Variants in SLC15A1 observed in about 807,000 individuals in gnomAD.
The protein encoded by SLC15A1 is Caco-2 oligopeptide transporter.
SLC15A1 carries 83 observed loss-of-function variants against 92.9 expected under a neutral mutation model. The ratio of observed to expected loss-of-function variants is 0.89; its 90% CI spans 0.75 to 1.07. SLC15A1 has a LOEUF of 1.07. Among genes scored for constraint, SLC15A1 ranks in the 50% least tolerant of loss-of-function variants. The pLI is 0.00. For synonymous variants in SLC15A1, 322 were observed against 318.2 expected (o/e 1.01, Z -0.13); for missense variants, 857 against 880.1 (o/e 0.97, Z 0.33).
chr13:98,720,343 A>G (rs2088246976), intron 7 of SLC15A1, among the ~76,000 whole-genome samples: 1 of 152,258 alleles, frequency 6.6e-6, no homozygotes, highest in Non-Finnish European at 1.5e-5. Context: ...AACAGATTCT[A>G]TAATTTAAAC....
chr13:98,702,967 CAAAAAAAAAAA>C (rs535486738), intron 17 of SLC15A1, among the ~76,000 whole-genome samples: 11 of 77,688 alleles, frequency 1.4e-4, no homozygotes, highest in African/African-American at 3.9e-4. Context: ...GATCCTGTCT[CAAAAAAAAAAA>C]AAAAAAAAAA....
chr13:98,744,641 C>T (rs907875247), intron 1 of SLC15A1, among the ~76,000 whole-genome samples: 3 of 146,726 alleles, frequency 2.0e-5, no homozygotes, highest in African/African-American at 5.1e-5. Flanking sequence ...CCCAGCTACT[C>T]GGGAGGCTGA....
intron 1 of SLC15A1, among the ~76,000 whole-genome samples, chr13:98,747,467 A>G (rs1241445220): frequency 6.6e-6 from 1 of 152,152 alleles, no homozygotes; most frequent in Non-Finnish European, 1.5e-5. Context: ...TGGGGAATAG[A>G]GTAGCAGTCC....
rs746109431 is a variant in SLC15A1 at position 98,711,986 on chromosome 13, G to T, written c.811-43C>A. The stretch of plus-strand genomic sequence containing the variant: ...AAGGGACAAATCAGCCACACCCTGT[G>T]TCCTGTGCCACTCACGGCTTACAGG... On this transcript the variant is annotated intron_variant, in intron 10 of 22. Coordinates refer to ENST00000376503, the MANE Select transcript of SLC15A1 (RefSeq NM_005073.4). 32 of 1,428,662 alleles carry T rather than the reference G, an allele frequency of 2.2e-5. No individual in the cohort carries two copies. In the South Asian group the frequency reaches 3.1e-4, roughly 14 times the overall value. The allele number at this position is 1,428,662 out of a possible 1,614,324, so 88.5% of individuals were successfully genotyped here.
At chr13:98,715,316 A>G (rs1194291920) in intron 9 of SLC15A1, among the ~76,000 whole-genome samples, 1 of 152,180 alleles carries the variant, frequency 6.6e-6, no homozygotes, top group Non-Finnish European at 1.5e-5. Context: ...CTGGGATTAC[A>G]GGCACCCGCC....
rs563725921 is a variant in SLC15A1 at position 98,733,134 on chromosome 13, T to C, written c.5-6275A>G. 2.6e-5 allele frequency among the ~76,000 whole-genome samples: 4 copies of C among 152,146 alleles called. No homozygotes were observed. The South Asian group carries it at 8.3e-4, about 32-fold the overall frequency. The stretch of plus-strand genomic sequence containing the variant: ...GAGAAGCTGGAAAAGACAAGTAGGG[T>C]TCTCCCCGAGAGCCTTTCAAGGTAG... On this transcript the variant is annotated intron_variant, in intron 1 of 22. Coordinates refer to ENST00000376503, the MANE Select transcript of SLC15A1 (RefSeq NM_005073.4).
chr13:98,725,046 G>C (rs1378281083), intron 4 of SLC15A1, among the ~76,000 whole-genome samples: 1 of 152,042 alleles, frequency 6.6e-6, no homozygotes, highest in East Asian at 1.9e-4. Context: ...GTGAGTTCCT[G>C]CAAGAGCTAG....
In SLC15A1 at chr13:98,702,522, T is replaced by C. The variant is rs752550633; in HGVS notation, c.1424A>G (p.Asp475Gly). Residue 475 changes from aspartate (D) to glycine (G), a missense_variant, in exon 18 of 23, where the codon GAT becomes GGT. By Grantham distance (94) the Asp-to-Gly change is moderately conservative. Transcript: ENST00000376503. Reference protein sequence around the residue: ...WAPNHYQVVKDGLNQKPEKGE... With the variant: ...WAPNHYQVVKGGLNQKPEKGE... ...TTTTTCTGGCTTCTGGTTAAGACCA[T>C]CCTTTACCTGAGAGAGAAAACAGTA... The C allele has an allele frequency of 2.5e-6, 4 of 1,604,390 alleles. No individual in the cohort carries two copies. The East Asian group carries it at 6.7e-5, about 27-fold the overall frequency.
intron 18 of SLC15A1, among the ~76,000 whole-genome samples, chr13:98,691,562 A>G (rs369371360): frequency 1.3e-5 from 2 of 152,320 alleles, no homozygotes; most frequent in East Asian, 3.9e-4. Flanking sequence ...AGGTCTCACA[A>G]TACATGGCGT....
intron 1 of SLC15A1, among the ~76,000 whole-genome samples, chr13:98,747,002 C>T (rs1055223571): frequency 2.6e-5 from 4 of 152,172 alleles, no homozygotes; most frequent in Non-Finnish European, 5.9e-5. Flanking sequence ...ACCCCAAAAA[C>T]CAGAGGGGCC....
intron 1 of SLC15A1, among the ~76,000 whole-genome samples, chr13:98,731,030 G>A (rs1474494882): frequency 6.6e-6 from 1 of 152,216 alleles, no homozygotes; most frequent in Non-Finnish European, 1.5e-5. Context: ...GACAGTCACG[G>A]CTTCTCTGAC....
intron 1 of SLC15A1, among the ~76,000 whole-genome samples, chr13:98,731,865 G>A (rs1478523771): frequency 1.3e-5 from 2 of 152,188 alleles, no homozygotes; most frequent in Non-Finnish European, 2.9e-5. Context: ...TATGGGAAAG[G>A]CAATCCCTTG....
rs2087918239 is a variant in SLC15A1, at chr13:98,684,855, T to C, written c.1996A>G (p.Met666Val). Reference sequence around the variant, plus strand: ...TTGATGTAAGTATAGAACCGAGCCATGATGGCAAAAATTACACAGACGACC... The same window carrying C: ...TTGATGTAAGTATAGAACCGAGCCACGATGGCAAAAATTACACAGACGACC... ...LLVVCVIFAI[M>V]ARFYTYINPA... Residue 666 changes from methionine to valine, a missense_variant, in exon 23 of 23, where the codon ATG becomes GTG. Transcript: ENST00000376503. The C allele has an allele frequency of 4.3e-6, 7 of 1,614,128 alleles. No homozygotes were observed. Among genetic ancestry groups the C allele is most frequent in the Non-Finnish European group, 5.9e-6 (7 of 1,180,020 alleles).
At chr13:98,728,164 G>C (rs538964327) in intron 1 of SLC15A1, among the ~76,000 whole-genome samples, 9 of 152,316 alleles carry the variant, frequency 5.9e-5, no homozygotes, top group African/African-American at 2.2e-4. Context: ...TCAAAAATGA[G>C]TTGGCTATAA....
At chr13:98,751,551 CG>C (rs2088547024) in intron 1 of SLC15A1, among the ~76,000 whole-genome samples, 1 of 152,214 alleles carries the variant, frequency 6.6e-6, no homozygotes, top group Admixed American at 6.5e-5. Context: ...GAGCTGAGCT[CG>C]GCCACAGTCT....
At chr13:98,685,747 G>C (rs555797076) in intron 22 of SLC15A1, among the ~76,000 whole-genome samples, 10 of 152,234 alleles carry the variant, frequency 6.6e-5, no homozygotes, top group East Asian at 3.9e-4. Context: ...CAGCACTTTG[G>C]GGGGCCAAGG....
chr13:98,686,847 C>G (rs1421771778), intron 21 of SLC15A1, among the ~76,000 whole-genome samples: 1 of 152,152 alleles, frequency 6.6e-6, no homozygotes, highest in Non-Finnish European at 1.5e-5. Flanking sequence ...GCTCTGACAA[C>G]ACAGTTCAAT....
intron 1 of SLC15A1, among the ~76,000 whole-genome samples, chr13:98,730,340 G>A (rs2088340190): frequency 2.0e-5 from 3 of 150,440 alleles, no homozygotes; most frequent in African/African-American, 7.3e-5. Flanking sequence ...TGTCCTAAGG[G>A]GGAAATACAC....
chr13:98,732,255 T>A (rs888316369), intron 1 of SLC15A1, among the ~76,000 whole-genome samples: 3 of 152,192 alleles, frequency 2.0e-5, no homozygotes, highest in African/African-American at 4.8e-5. Context: ...TGGGGTCCCT[T>A]GTGTTGAACT....
Sources: allele counts gnomAD v4.1 joint callset (sites outside exome capture counted in the v4.1 genomes callset), GRCh38; gene constraint gnomAD v4.1.1; transcripts MANE v1.5; gene names NCBI Gene and HGNC (gene_info 2026-07-23, HGNC 2026-07-21).